Variants in SGCZ observed in about 807,000 individuals in gnomAD.
The protein encoded by SGCZ is sarcoglycan zeta.
SGCZ carries 40 observed loss-of-function variants against 41.3 expected under a neutral mutation model. The observed-to-expected ratio is 0.97, with a 90% CI of 0.75 to 1.26. The LOEUF (loss-of-function observed/expected upper bound fraction) is 1.26, where lower values mean the gene tolerates loss of function less well. SGCZ is among the 50% of genes most tolerant of loss of function. The probability of loss-of-function intolerance (pLI) is 0.00; values close to 1 mark genes in which losing one functional copy is unlikely to be tolerated. For synonymous variants in SGCZ, 206 were observed against 137.5 expected, an observed-to-expected ratio of 1.50 and a Z score of -3.49; for missense variants, 552 against 369.8, an observed-to-expected ratio of 1.49 and a Z score of -4.04.
chr8:15,159,539 A>G (rs560476656), intron 1 of SGCZ, among the ~76,000 whole-genome samples: 10 of 152,256 alleles, frequency 6.6e-5, no homozygotes, highest in African/African-American at 1.2e-4. Context: ...AGATGCTGCC[A>G]GAGTTGAATT....
chr8:15,177,645 A>G (rs1800039539), intron 1 of SGCZ, among the ~76,000 whole-genome samples: 1 of 152,244 alleles, frequency 6.6e-6, no homozygotes. Flanking sequence ...ATTCAAAGCA[A>G]GATAAAGATC....
chr8:14,326,190 G>C (rs1203114837), intron 2 of SGCZ, among the ~76,000 whole-genome samples: 1 of 146,262 alleles, frequency 6.8e-6, no homozygotes, highest in East Asian at 2.1e-4. Context: ...GCCCAACGTA[G>C]ACAGATGTTT....
chr8:14,454,213 T>C (rs1800678705), intron 2 of SGCZ, among the ~76,000 whole-genome samples: 1 of 152,190 alleles, frequency 6.6e-6, no homozygotes, highest in African/African-American at 2.4e-5. Flanking sequence ...GTTAAGAAGG[T>C]TGATTGGTCT....
chr8:14,103,496 A>C (rs935179118), intron 6 of SGCZ, among the ~76,000 whole-genome samples: 1 of 152,116 alleles, frequency 6.6e-6, no homozygotes, highest in African/African-American at 2.4e-5. Flanking sequence ...TTCTGAGGCA[A>C]TGAATTCAGA....
At chr8:14,803,447 T>G (rs981748326) in intron 1 of SGCZ, among the ~76,000 whole-genome samples, 11 of 152,176 alleles carry the variant, frequency 7.2e-5, no homozygotes, top group East Asian at 2.0e-4. Context: ...TTCCCTTTCC[T>G]AGTCAAAGAA....
At chr8:14,539,527 G>A (rs1284843860) in intron 2 of SGCZ, among the ~76,000 whole-genome samples, 1 of 151,778 alleles carries the variant, frequency 6.6e-6, no homozygotes, top group Middle Eastern at 3.4e-3. Context: ...TTGTTTGTTC[G>A]TTTTTCATTT....
At chr8:14,911,408 T>C (rs1443257642) in intron 1 of SGCZ, among the ~76,000 whole-genome samples, 1 of 152,032 alleles carries the variant, frequency 6.6e-6, no homozygotes, top group East Asian at 1.9e-4. Flanking sequence ...GGACATTAAA[T>C]AGCTATTGAA....
intron 2 of SGCZ, among the ~76,000 whole-genome samples, chr8:14,389,827 G>T (rs1269623173): frequency 1.3e-5 from 2 of 151,952 alleles, no homozygotes; most frequent in Non-Finnish European, 2.9e-5. Context: ...TGTTATTGTT[G>T]TCTAGTGTCT....
chr8:14,475,569 C>T (rs1024848639), intron 2 of SGCZ, among the ~76,000 whole-genome samples: 4 of 152,042 alleles, frequency 2.6e-5, no homozygotes, highest in African/African-American at 7.2e-5. Flanking sequence ...AATATTTCAG[C>T]TTGTTTTATG....
intron 1 of SGCZ, among the ~76,000 whole-genome samples, chr8:14,556,021 C>A (rs1041732647): frequency 3.3e-5 from 5 of 151,850 alleles, no homozygotes; most frequent in Admixed American, 2.0e-4. Context: ...TTTGATAATG[C>A]ATACATTCAG....
At chr8:14,256,078 C>T (rs1328726791) in intron 3 of SGCZ, among the ~76,000 whole-genome samples, 1 of 151,976 alleles carries the variant, frequency 6.6e-6, no homozygotes, top group East Asian at 1.9e-4. Context: ...TCTTGAAGAC[C>T]TACTTTGTTT....
At position 14,085,959 on chromosome 8, in the gene SGCZ, T is replaced by C. The variant is rs1287246909; in HGVS notation, c.*4484A>G. ...TTTAAACAACTAATAAATTTCAGTA[T>C]AAAACAACATGAATAACAGTGTTCA... On this transcript the variant is annotated 3_prime_UTR_variant, in exon 8 of 8. Transcript: ENST00000382080. 6.6e-6 allele frequency among the ~76,000 whole-genome samples: 1 copy of C among 151,786 alleles called. No individual in the cohort carries two copies.
At chr8:14,723,720 A>G (rs28633118) in intron 1 of SGCZ, among the ~76,000 whole-genome samples, 54,057 of 151,694 alleles carry the variant, frequency 0.36, 11,141 homozygotes, top group African/African-American at 0.57. Context: ...ACATATGTCT[A>G]TATAGTGCAT....
intron 1 of SGCZ, among the ~76,000 whole-genome samples, chr8:14,866,935 G>C (rs1707729299): frequency 6.6e-6 from 1 of 152,142 alleles, no homozygotes; most frequent in South Asian, 2.1e-4. Flanking sequence ...TTCTGAGAGA[G>C]CACGCTGTTT....
intron 2 of SGCZ, among the ~76,000 whole-genome samples, chr8:14,370,205 A>T (rs143480517): frequency 6.6e-5 from 10 of 152,080 alleles, no homozygotes; most frequent in African/African-American, 2.4e-4. Flanking sequence ...AGCAATACAA[A>T]CTTCTCAGTT....
At chr8:14,991,027 A>C (rs1384315247) in intron 1 of SGCZ, among the ~76,000 whole-genome samples, 1 of 152,196 alleles carries the variant, frequency 6.6e-6, no homozygotes, top group African/African-American at 2.4e-5. Flanking sequence ...GCATTGAAAA[A>C]TGCAAAAGAC....
intron 4 of SGCZ, among the ~76,000 whole-genome samples, chr8:14,204,607 G>A (rs1046605425): frequency 1.3e-5 from 2 of 152,152 alleles, no homozygotes; most frequent in Non-Finnish European, 2.9e-5. Context: ...AGAGGAGATT[G>A]TGTATGAGTC....
intron 1 of SGCZ, among the ~76,000 whole-genome samples, chr8:14,629,251 G>A (rs976977098): frequency 4.6e-5 from 7 of 152,054 alleles, no homozygotes; most frequent in African/African-American, 9.6e-5. Context: ...AGTTTACTTC[G>A]TGTGATTTGC....
intron 4 of SGCZ, among the ~76,000 whole-genome samples, chr8:14,202,716 G>A (rs531818214): frequency 2.6e-5 from 4 of 152,164 alleles, no homozygotes; most frequent in Non-Finnish European, 5.9e-5. Flanking sequence ...AAGTTAAATT[G>A]AATTCTTTTT....
Sources: allele counts gnomAD v4.1 joint callset (sites outside exome capture counted in the v4.1 genomes callset), GRCh38; gene constraint gnomAD v4.1.1; transcripts MANE v1.5; gene names NCBI Gene and HGNC (gene_info 2026-07-23, HGNC 2026-07-21).